Variants in ADGRB3 observed in about 807,000 individuals in gnomAD.
ADGRB3 encodes the protein brain-specific angiogenesis inhibitor 3.
In ADGRB3, 37 loss-of-function variants were observed where a neutral mutation model predicts 193.4. The observed-to-expected ratio is 0.19, with a 90% CI of 0.15 to 0.25. The LOEUF is 0.25. Ranked by LOEUF, ADGRB3 falls within the 10% of genes least tolerant of loss-of-function variation. The pLI is 1.00. For synonymous variants in ADGRB3, 690 were observed against 644.2 expected, an observed-to-expected ratio of 1.07 and a Z score of -1.08; for missense variants, 1,637 against 1,852.9, an observed-to-expected ratio of 0.88 and a Z score of 2.14.
intron 17 of ADGRB3, among the ~76,000 whole-genome samples, chr6:69,077,309 A>G (rs927803927): frequency 6.6e-6 from 1 of 152,046 alleles, no homozygotes; most frequent in Admixed American, 6.6e-5. Flanking sequence ...AATATGTTAT[A>G]TAGCCAAGGG....
chr6:69,234,115 C>A (rs1310029632), intron 18 of ADGRB3, among the ~76,000 whole-genome samples: 1 of 152,036 alleles, frequency 6.6e-6, no homozygotes, highest in Admixed American at 6.5e-5. Context: ...TACATTTGGC[C>A]TAAATAAGCA....
At chr6:69,173,283 C>T (rs924955150) in intron 17 of ADGRB3, among the ~76,000 whole-genome samples, 8 of 152,210 alleles carry the variant, frequency 5.3e-5, no homozygotes. Context: ...GGTGATCCAC[C>T]CACCTCGGCC....
In ADGRB3 at chr6:68,877,157, C is replaced by A. The variant is rs187604127; in HGVS notation, c.758-53402C>A. Among the ~76,000 whole-genome samples the A allele has an allele frequency of 2.3e-3, 348 of 152,036 alleles. 3 individuals are homozygous for A. The highest frequency in any genetic ancestry group is 7.7e-3 in the African/African-American group (318 of 41,522). ...AATGGGTAGCCTTTATAGTTCCCTT[C>A]AGAAAATATTCAGCAAGATAAATTT... On this transcript the variant is annotated intron_variant, in intron 3 of 31. Coordinates refer to ENST00000370598, the MANE Select transcript of ADGRB3 (RefSeq NM_001704.3).
chr6:68,807,159 A>G (rs765336675), intron 3 of ADGRB3, among the ~76,000 whole-genome samples: 2 of 152,008 alleles, frequency 1.3e-5, no homozygotes, highest in Admixed American at 6.6e-5. Context: ...AATGTGAGAT[A>G]ATGGTTTTAT....
intron 3 of ADGRB3, among the ~76,000 whole-genome samples, chr6:68,702,802 C>G (rs2585603): frequency 0.8 from 121,326 of 152,024 alleles, 48,637 homozygotes; most frequent in Middle Eastern, 0.93. Context: ...GAACCACTCA[C>G]AGTAGTTTCT....
intron 17 of ADGRB3, among the ~76,000 whole-genome samples, chr6:69,115,504 G>T (rs554126715): frequency 4.5e-4 from 68 of 152,286 alleles, no homozygotes; most frequent in African/African-American, 1.6e-3. Context: ...TAGATGACAG[G>T]TTGATGGGTG....
chr6:68,677,441 A>G (rs535544295), intron 3 of ADGRB3, among the ~76,000 whole-genome samples: 26 of 151,898 alleles, frequency 1.7e-4, no homozygotes, highest in Non-Finnish European at 2.6e-4. Flanking sequence ...TCTTTCCCCC[A>G]ACTTGAATGT....
At chr6:68,978,030 C>T (rs975217776) in intron 10 of ADGRB3, among the ~76,000 whole-genome samples, 2 of 151,500 alleles carry the variant, frequency 1.3e-5, no homozygotes, top group African/African-American at 4.8e-5. Context: ...TATGATCACA[C>T]TCAAGTCTTA....
chr6:68,664,332 T>C (rs1768745357), intron 3 of ADGRB3, among the ~76,000 whole-genome samples: 1 of 151,796 alleles, frequency 6.6e-6, no homozygotes, highest in African/African-American at 2.4e-5. Context: ...CAAATTCATA[T>C]GTTGAAATCC....
chr6:69,188,556 A>G (rs558046446), intron 17 of ADGRB3, among the ~76,000 whole-genome samples: 4 of 152,192 alleles, frequency 2.6e-5, no homozygotes, highest in South Asian at 2.1e-4. Flanking sequence ...TGATCCACCC[A>G]CGTCTGTCTT....
intron 17 of ADGRB3, among the ~76,000 whole-genome samples, chr6:69,144,863 AGTTT>A (rs1243529616): frequency 5.3e-4 from 48 of 91,114 alleles, no homozygotes; most frequent in South Asian, 3.6e-3. Context: ...ATTGGTCTGT[AGTTT>A]GTTTGAGTGT....
intron 20 of ADGRB3, among the ~76,000 whole-genome samples, chr6:69,323,122 A>C (rs1768497522): frequency 6.6e-6 from 1 of 152,050 alleles, no homozygotes. Flanking sequence ...ATTTCAGTAC[A>C]CCAACACTTA....
intron 3 of ADGRB3, among the ~76,000 whole-genome samples, chr6:68,770,963 C>CATT: frequency 6.6e-6 from 1 of 151,198 alleles, no homozygotes; most frequent in East Asian, 1.9e-4. Flanking sequence ...TGCCTCTTAG[C>CATT]ATTATTATCA....
intron 17 of ADGRB3, among the ~76,000 whole-genome samples, chr6:69,156,871 AG>A (rs1199587240): frequency 6.6e-6 from 1 of 152,218 alleles, no homozygotes; most frequent in Non-Finnish European, 1.5e-5. Context: ...ACTAAACCTC[AG>A]GGATGTTGGG....
chr6:69,377,085 C>A (rs960808186), intron 30 of ADGRB3, among the ~76,000 whole-genome samples: 1 of 151,924 alleles, frequency 6.6e-6, no homozygotes, highest in East Asian at 1.9e-4. Flanking sequence ...GGAAATCATC[C>A]CCCTTTCACA....
At chr6:69,126,770 A>C (rs2150332404) in intron 17 of ADGRB3, among the ~76,000 whole-genome samples, 1 of 152,268 alleles carries the variant, frequency 6.6e-6, no homozygotes, top group South Asian at 2.1e-4. Context: ...TGACACCTAA[A>C]ATTAACCATC....
At chr6:69,290,713 A>G (rs1309803777) in intron 20 of ADGRB3, among the ~76,000 whole-genome samples, 1 of 152,206 alleles carries the variant, frequency 6.6e-6, no homozygotes, top group Non-Finnish European at 1.5e-5. Flanking sequence ...AAGTAAATAC[A>G]TTTTACCCTA....
At chr6:68,679,803 G>A (rs1764846615) in intron 3 of ADGRB3, among the ~76,000 whole-genome samples, 1 of 152,030 alleles carries the variant, frequency 6.6e-6, no homozygotes, top group Non-Finnish European at 1.5e-5. Flanking sequence ...AAAAATTAAT[G>A]TAGTATATTT....
chr6:69,031,667 A>C (rs1313038162), intron 13 of ADGRB3, among the ~76,000 whole-genome samples: 1 of 136,950 alleles, frequency 7.3e-6, no homozygotes, highest in African/African-American at 2.7e-5. Flanking sequence ...CAGGTTCTTA[A>C]TTTGTCACTC....
Sources: gnomAD v4.1 joint callset for allele counts (sites outside exome capture counted in the v4.1 genomes callset) on GRCh38, gnomAD v4.1.1 for gene constraint, MANE v1.5 for transcripts, NCBI Gene and HGNC (gene_info 2026-07-23, HGNC 2026-07-21) for gene names.